MUC12: variants seen among roughly 807,000 people sequenced by gnomAD.
The protein encoded by MUC12 is mucin-12.
In MUC12, 172 loss-of-function variants were observed where a neutral mutation model predicts 230.8. The observed-to-expected ratio is 0.75, with a 90% CI of 0.66 to 0.85. The LOEUF (loss-of-function observed/expected upper bound fraction) is 0.85. MUC12 is among the 40% of genes least tolerant of loss of function. The pLI is 0.00. For synonymous variants in MUC12, 1,259 were observed against 2,401.9 expected (o/e 0.52, Z 13.91); for missense variants, 3,506 against 5,920.6 (o/e 0.59, Z 13.38).
chr7:100,991,218 C>G lies in MUC12; in HGVS notation c.655C>G (p.Pro219Ala), dbSNP rs1351188923. Reference sequence around the variant, plus strand: ...CACTACCACACCATCATCCCTTGGTCCAGAATCTACTACCTTCCACAGCAG... The same window carrying G: ...CACTACCACACCATCATCCCTTGGTGCAGAATCTACTACCTTCCACAGCAG... The part of the protein sequence containing the change: ...PGTTTPSSLG[P>A]ESTTFHSSPG... Residue 219 changes from proline to alanine, a missense_variant, in exon 2 of 12, where the codon CCA becomes GCA. Transcript: ENST00000536621. The G allele has an allele frequency of 8.5e-6, 13 of 1,537,536 alleles. No individual in the cohort carries two copies. The highest frequency in any genetic ancestry group is 1.0e-5 in the Non-Finnish European group (12 of 1,146,926).
rs781153210 is a variant in MUC12 at position 100,991,935 on chromosome 7, C to T, written c.1372C>T (p.Pro458Ser). ...AACAGTCTTACCTGCCGGCTCTACA[C>T]CCTCAGTTCTTGTTGGAGACTCGAC... ...ATTVLPAGST[P>S]SVLVGDSTPS... Residue 458 changes from proline to serine, a missense_variant, in exon 2 of 12, where the codon CCC becomes TCC. Transcript: ENST00000536621. 12 of 1,537,606 alleles carry T rather than the reference C, an allele frequency of 7.8e-6. No individual in the cohort carries two copies. Among genetic ancestry groups the T allele is most frequent in the East Asian group, 4.9e-5 (2 of 40,912 alleles).
chr7:100,973,073 G>C (rs1456055539), intron 1 of MUC12: 2 of 600,180 alleles, frequency 3.3e-6, no homozygotes, highest in East Asian at 5.9e-5. Flanking sequence ...GGAGCAGTAA[G>C]ACCAAGCTAA....
chr7:100,981,485 C>G (rs1793105199), intron 1 of MUC12: 1 of 501,930 alleles, frequency 2.0e-6, no homozygotes, highest in Non-Finnish European at 3.6e-6. Context: ...GCTGCAGGAG[C>G]CAGAGAGAAG....
intron 1 of MUC12, among the ~76,000 whole-genome samples, chr7:100,977,160 A>AT (rs1398502274): frequency 1.1e-4 from 17 of 149,546 alleles, no homozygotes; most frequent in African/African-American, 4.2e-4. Flanking sequence ...CAGGGTCCCC[A>AT]TTTTTTACCA....
In MUC12 at chr7:100,990,808, C is replaced by G. The variant is rs1231034372; in HGVS notation, c.245C>G (p.Thr82Arg). ...AACTCAGGCCACAGTGAGGAATCAA[C>G]AGTATCCCACAGCGGCCCAGGTGCA... ...STNSGHSEES[T>R]VSHSGPGATG... The change falls in exon 2 of 12, where the codon ACA becomes AGA. Residue 82 changes from threonine to arginine, a missense_variant. Physicochemically the swap from Thr to Arg is moderately conservative, Grantham distance 71. Coordinates refer to ENST00000536621, the MANE Select transcript of MUC12 (RefSeq NM_001164462.2). 2.0e-6 allele frequency: 3 copies of G among 1,537,706 alleles called. No individual in the cohort carries two copies. Among genetic ancestry groups the G allele is most frequent in the Non-Finnish European group, 2.6e-6 (3 of 1,147,038 alleles).
At chr7:100,982,550 C>A (rs761860311) in intron 1 of MUC12, among the ~76,000 whole-genome samples, 1 of 151,802 alleles carries the variant, frequency 6.6e-6, no homozygotes, top group Non-Finnish European at 1.5e-5. Context: ...GATCCTCCCA[C>A]CTCAGCCTCC....
In MUC12 at chr7:101,004,863, C is replaced by G. The variant is rs1379970808; in HGVS notation, c.14300C>G (p.Thr4767Ser). The change falls in exon 2 of 12, where the codon ACC becomes AGC. Residue 4767 changes from threonine to serine, a missense_variant. Physicochemically the swap from Thr to Ser is moderately conservative, Grantham distance 58 (BLOSUM62 1). Coordinates refer to ENST00000536621, the MANE Select transcript of MUC12 (RefSeq NM_001164462.2). ...MTSSSISGEP[T>S]SLYSQAESTH... Reference sequence around the variant, plus strand: ...AGCTCCAGCATCAGTGGAGAACCCACCAGCTTGTATAGCCAAGCAGAGTCA... The same window carrying G: ...AGCTCCAGCATCAGTGGAGAACCCAGCAGCTTGTATAGCCAAGCAGAGTCA... The G allele has an allele frequency of 1.3e-6, 2 of 1,537,154 alleles. No homozygotes were observed. The highest frequency in any genetic ancestry group is 1.7e-6 in the Non-Finnish European group (2 of 1,146,566).
Position 101,013,135 on chromosome 7 carries a change from C to T in MUC12, c.15631C>T (p.Arg5211Cys), listed in dbSNP as rs906089569. Residue 5211 changes from arginine (R) to cysteine (C), a missense_variant, in exon 8 of 12, where the codon CGC (arginine) becomes TGC (cysteine). Arg to Cys is a radical substitution (Grantham distance 180, BLOSUM62 -3). Coordinates refer to ENST00000536621, the MANE Select transcript of MUC12 (RefSeq NM_001164462.2). ...ATGTCAGCTGCAACGCAGTGGCCCC[C>T]GCTGCCTGTGAGTGTCCCCATAAGC... ...GTCQLQRSGP[R>C]CLCPNTNTHW... The T allele has an allele frequency of 2.6e-5, 40 of 1,537,248 alleles. No homozygotes were observed. Among genetic ancestry groups the T allele is most frequent in the Non-Finnish European group, 3.3e-5 (38 of 1,146,906 alleles).
chr7:101,005,007 C>G lies in MUC12; in HGVS notation c.14444C>G (p.Thr4815Ser). 6.5e-7 allele frequency: 1 copy of G among 1,537,656 alleles called. No homozygotes were observed. The highest frequency in any genetic ancestry group is 8.7e-7 in the Non-Finnish European group (1 of 1,147,008). ...ETTLSPGSIT[T>S]SSFAQEFTTP... ...ACACTGTCCCCTGGCAGCATCACAA[C>G]TTCATCTTTTGCTCAAGAATTTACC... is the stretch of plus-strand genomic sequence containing the variant. Residue 4815 changes from threonine (T) to serine (S), a missense_variant, in exon 2 of 12, where the codon ACT (threonine) becomes AGT (serine). By Grantham distance (58) the Thr-to-Ser change is moderately conservative (BLOSUM62 1). Coordinates refer to ENST00000536621, the MANE Select transcript of MUC12 (RefSeq NM_001164462.2).
Position 101,018,410 on chromosome 7 carries a change from C to A in MUC12, c.15967-185C>A, listed in dbSNP as rs182057574. Among the ~76,000 whole-genome samples the A allele has an allele frequency of 3.5e-4, 44 of 126,668 alleles. 2 individuals are homozygous for A. The highest frequency in any genetic ancestry group is 1.3e-3 in the African/African-American group (42 of 32,776). 83.1% of individuals were successfully genotyped at this position (126,668 alleles called of 152,430 possible). ...GACTCCCTCCTCACCCTGGGGCCAC[C>A]CCTTCCCCTGGGACTCCCCCCTCCC... On this transcript the variant is annotated intron_variant, in intron 11 of 11. Transcript: ENST00000536621.
In MUC12 at chr7:100,992,883, C is replaced by A. The variant is rs1436774388; in HGVS notation, c.2320C>A (p.Gln774Lys). The change falls in exon 2 of 12, where the codon CAA becomes AAA. Residue 774 changes from glutamine (Q) to lysine (K), a missense_variant. By Grantham distance (53) the Gln-to-Lys change is moderately conservative. Coordinates refer to ENST00000536621, the MANE Select transcript of MUC12 (RefSeq NM_001164462.2). ...GGAATCAACAGCATCGCACAGCAGC[C>A]AAGACGCAACGGGAACAATAGTCCT... Reference protein sequence around the residue: ...SEESTASHSSQDATGTIVLPA... With the variant: ...SEESTASHSSKDATGTIVLPA... 5.2e-6 allele frequency: 8 copies of A among 1,537,532 alleles called. No individual in the cohort carries two copies. In the Admixed American group the frequency reaches 7.9e-5, roughly 15 times the overall value.
intron 2 of MUC12, among the ~76,000 whole-genome samples, chr7:101,006,237 T>C (rs1219139264): frequency 6.6e-6 from 1 of 152,180 alleles, no homozygotes; most frequent in East Asian, 1.9e-4. Context: ...AGAGTGCTTT[T>C]TTCATAGCTG....
Position 100,995,444 on chromosome 7 carries a change from C to T in MUC12, c.4881C>T (p.Ser1627=). Residue 1627 remains serine (S), a synonymous_variant, in exon 2 of 12, where the codon TCC becomes TCT. Transcript: ENST00000536621. The part of the protein sequence containing the change: ...TLSPGSTTAS[S]LGPESTTFHS... ...CCCCTGGCAGTACCACAGCATCATC[C>T]CTTGGTCCAGAATCTACTACTTTCC... The T allele has an allele frequency of 3.3e-6, 5 of 1,533,006 alleles. No homozygotes were observed. Among genetic ancestry groups the T allele is most frequent in the Non-Finnish European group, 4.4e-6 (5 of 1,145,006 alleles). The allele number at this position is 1,533,006 out of a possible 1,614,324, so 95.0% of individuals were successfully genotyped here.
At chr7:100,971,173 GAAAC>G (rs774343438) in intron 1 of MUC12, among the ~76,000 whole-genome samples, 2 of 44,586 alleles carry the variant, frequency 4.5e-5, no homozygotes, top group Non-Finnish European at 8.9e-5. Flanking sequence ...AAACAAAAAA[GAAAC>G]AAACAAAAAA....
chr7:101,004,488 C>G lies in MUC12; in HGVS notation c.13925C>G (p.Ser4642Cys). ...CACAGCAGCACAACACACACAATAT[C>G]TTCACCTCCTAGCACCACATCTGCC... is the stretch of plus-strand genomic sequence containing the variant. ...TSHSSTTHTI[S>C]SPPSTTSALV... is the part of the protein sequence containing the mutation. The change falls in exon 2 of 12, where the codon TCT becomes TGT. Residue 4642 changes from serine (S) to cysteine (C), a missense_variant. Ser to Cys is a moderately radical substitution (Grantham distance 112). Coordinates refer to ENST00000536621, the MANE Select transcript of MUC12 (RefSeq NM_001164462.2). The G allele has an allele frequency of 2.0e-6, 3 of 1,532,894 alleles. No individual in the cohort carries two copies. The highest frequency in any genetic ancestry group is 2.6e-6 in the Non-Finnish European group (3 of 1,145,790). The allele number at this position is 1,532,894 out of a possible 1,614,324, so 95.0% of individuals were successfully genotyped here.
At position 100,991,782 on chromosome 7, in the gene MUC12, C is replaced by G. The variant is rs767989756; in HGVS notation, c.1219C>G (p.Leu407Val). The change falls in exon 2 of 12, where the codon CTA (leucine) becomes GTA (valine). Residue 407 changes from leucine (L) to valine (V), a missense_variant. Transcript: ENST00000536621. ...TTCAACTCCTAGCACCACAGCTGCCCTAGCACATACAAGCTACCACAGCAG... is the reference window on the plus strand; with the variant it reads ...TTCAACTCCTAGCACCACAGCTGCCGTAGCACATACAAGCTACCACAGCAG... ...KSSTPSTTAA[L>V]AHTSYHSSLG... 6 of 1,537,820 alleles carry G rather than the reference C, an allele frequency of 3.9e-6. No homozygotes were observed. Among genetic ancestry groups the G allele is most frequent in the South Asian group, 1.2e-5 (1 of 84,070 alleles).
In MUC12 at chr7:100,991,457, T is replaced by G; in HGVS notation, c.894T>G (p.Phe298Leu). 4 of 1,537,800 alleles carry G rather than the reference T, an allele frequency of 2.6e-6. No individual in the cohort carries two copies. The highest frequency in any genetic ancestry group is 3.5e-6 in the Non-Finnish European group (4 of 1,147,038). Residue 298 changes from phenylalanine (F) to leucine (L), a missense_variant, in exon 2 of 12, where the codon TTT (phenylalanine) becomes TTG (leucine). Phe to Leu is a conservative substitution (Grantham distance 22). Coordinates refer to ENST00000536621, the MANE Select transcript of MUC12 (RefSeq NM_001164462.2). The part of the protein sequence containing the change: ...SPAPSGTTSA[F>L]VKLSTTYHSS... Reference sequence around the variant, plus strand: ...CACCTTCTGGTACCACATCAGCCTTTGTTAAACTATCTACAACTTATCACA... The same window carrying G: ...CACCTTCTGGTACCACATCAGCCTTGGTTAAACTATCTACAACTTATCACA...
intron 1 of MUC12, among the ~76,000 whole-genome samples, chr7:100,984,840 G>T (rs1793164821): frequency 6.6e-6 from 1 of 152,086 alleles, no homozygotes; most frequent in Non-Finnish European, 1.5e-5. Context: ...TTACTGGTTT[G>T]GTCTGGATCT....
intron 9 of MUC12, chr7:101,014,389 T>C (rs950530961): frequency 2.6e-5 from 6 of 234,324 alleles, no homozygotes; most frequent in Non-Finnish European, 8.2e-6. Context: ...ATCAAGGGGC[T>C]GCATCTGGTG....
Sources: allele counts gnomAD v4.1 joint callset (sites outside exome capture counted in the v4.1 genomes callset), GRCh38; gene constraint gnomAD v4.1.1; transcripts MANE v1.5; gene names NCBI Gene and HGNC (gene_info 2026-07-23, HGNC 2026-07-21).